SHISA9: variants seen among roughly 807,000 people sequenced by gnomAD.
SHISA9 encodes protein shisa-9.
A neutral mutation model predicts 38.0 loss-of-function variants in SHISA9; 13 were observed. That is an observed-to-expected ratio of 0.34 (90% confidence interval 0.22 to 0.54). The LOEUF is 0.54. SHISA9 is among the 20% of genes least tolerant of loss of function. The pLI is 0.91. For synonymous variants in SHISA9, 275 were observed against 242.0 expected (o/e 1.14, Z -1.27); for missense variants, 538 against 575.8 (o/e 0.93, Z 0.67).
At chr16:13,053,789 G>C (rs576090705) in intron 2 of SHISA9, among the ~76,000 whole-genome samples, 3 of 152,276 alleles carry the variant, frequency 2.0e-5, no homozygotes, top group Admixed American at 2.0e-4. Flanking sequence ...CTCAGGTCCA[G>C]TGAATTCTTC....
intron 2 of SHISA9, among the ~76,000 whole-genome samples, chr16:13,141,512 C>G (rs952177274): frequency 6.6e-6 from 1 of 151,902 alleles, no homozygotes; most frequent in Non-Finnish European, 1.5e-5. Flanking sequence ...TGGTGAAACC[C>G]CATCTCTACT....
At chr16:13,115,196 G>A (rs2074019817) in intron 2 of SHISA9, among the ~76,000 whole-genome samples, 1 of 152,084 alleles carries the variant, frequency 6.6e-6, no homozygotes, top group Non-Finnish European at 1.5e-5. Context: ...CCATATTGCT[G>A]AGACCAGCTT....
chr16:13,164,632 T>A (rs1322733186), intron 2 of SHISA9, among the ~76,000 whole-genome samples: 1 of 152,174 alleles, frequency 6.6e-6, no homozygotes, highest in Non-Finnish European at 1.5e-5. Context: ...ATTTATGCTA[T>A]AAATTAGCCT....
At chr16:13,251,168 G>A in the SHISA9 span, among the ~76,000 whole-genome samples, 7 of 152,214 alleles carry the variant, frequency 4.6e-5, no homozygotes, top group Admixed American at 2.0e-4. Context: ...CAAAGATGGC[G>A]GCCTTTGTGT....
At chr16:13,428,471 T>C in the SHISA9 span, among the ~76,000 whole-genome samples, 1 of 152,156 alleles carries the variant, frequency 6.6e-6, no homozygotes, top group Non-Finnish European at 1.5e-5. Flanking sequence ...AAACTCTAAG[T>C]GGAGAGAGAA....
intron 2 of SHISA9, among the ~76,000 whole-genome samples, chr16:13,044,610 G>A (rs1457655678): frequency 6.6e-6 from 1 of 152,188 alleles, no homozygotes; most frequent in Non-Finnish European, 1.5e-5. Context: ...GCACCGTGGG[G>A]CTCAGACCTG....
At chr16:13,027,227 G>A (rs1378466463) in intron 2 of SHISA9, among the ~76,000 whole-genome samples, 1 of 152,168 alleles carries the variant, frequency 6.6e-6, no homozygotes, top group African/African-American at 2.4e-5. Flanking sequence ...TTATCTGGAG[G>A]ATGGACTCCA....
the SHISA9 span, among the ~76,000 whole-genome samples, chr16:13,424,137 G>A: frequency 3.3e-5 from 5 of 152,316 alleles, no homozygotes; most frequent in African/African-American, 1.2e-4. Context: ...GTACAGGAAG[G>A]GCAGGAATTG....
chr16:13,069,161 A>G (rs1358198064), intron 2 of SHISA9, among the ~76,000 whole-genome samples: 2 of 150,430 alleles, frequency 1.3e-5, no homozygotes, highest in African/African-American at 5.0e-5. Flanking sequence ...GTATGTGTAT[A>G]TATGTGTGTA....
chr16:12,997,824 G>A (rs2072477281), intron 2 of SHISA9, among the ~76,000 whole-genome samples: 1 of 152,136 alleles, frequency 6.6e-6, no homozygotes, highest in African/African-American at 2.4e-5. Context: ...TCACCTCTGT[G>A]TACACACATT....
At chr16:13,187,480 G>T (rs6498388) in intron 2 of SHISA9, among the ~76,000 whole-genome samples, 2 of 151,526 alleles carry the variant, frequency 1.3e-5, no homozygotes, top group Non-Finnish European at 2.9e-5. Flanking sequence ...AACTACAGAC[G>T]TGCACCACCA....
At chr16:13,090,257 G>A (rs546939979) in intron 2 of SHISA9, among the ~76,000 whole-genome samples, 1 of 152,334 alleles carries the variant, frequency 6.6e-6, no homozygotes, top group East Asian at 1.9e-4. Flanking sequence ...GCAATGTGAT[G>A]CTGAGAAGAA....
intron 1 of SHISA9, chr16:12,902,860 G>GTGTA (rs2071038796): frequency 1.8e-6 from 1 of 550,370 alleles, no homozygotes; most frequent in Non-Finnish European, 3.2e-6. Context: ...GTGTGTGTGT[G>GTGTA]TGTGTGTGAC....
In SHISA9 at chr16:13,183,125, C is replaced by T. The variant is rs76233858; in HGVS notation, c.692-20269C>T. Among the ~76,000 whole-genome samples the T allele has an allele frequency of 4.0e-3, 607 of 152,308 alleles. 7 individuals are homozygous for T. The highest frequency in any genetic ancestry group is 0.014 in the African/African-American group (571 of 41,580). On this transcript the variant is annotated intron_variant, in intron 2 of 4. Transcript: ENST00000558583. ...TTTGATGACCTAGACACAAAATTCA[C>T]AGGGCATAATTTCTGCCCTACTCCA...
At chr16:13,535,073 C>T in the SHISA9 span, among the ~76,000 whole-genome samples, 3 of 152,002 alleles carry the variant, frequency 2.0e-5, no homozygotes, top group African/African-American at 7.3e-5. Flanking sequence ...GGTAAAACCC[C>T]CCTCTCTACT....
intron 2 of SHISA9, among the ~76,000 whole-genome samples, chr16:13,103,175 G>A (rs2073895331): frequency 6.6e-6 from 1 of 152,120 alleles, no homozygotes; most frequent in African/African-American, 2.4e-5. Context: ...ATTGAATTTA[G>A]TGTGTCAGAC....
intron 2 of SHISA9, among the ~76,000 whole-genome samples, chr16:13,077,162 C>G (rs1171953045): frequency 6.6e-6 from 1 of 152,174 alleles, no homozygotes; most frequent in African/African-American, 2.4e-5. Flanking sequence ...GACTGAACAG[C>G]GTCTGATCTC....
Position 13,236,218 on chromosome 16 carries a change from G to A in SHISA9, c.*809G>A, listed in dbSNP as rs2051382564. The A allele has an allele frequency of 6.6e-6, 1 of 152,030 alleles. No homozygotes were observed. The highest frequency in any genetic ancestry group is 1.5e-5 in the Non-Finnish European group (1 of 68,030). The allele number at this position is 152,030 out of a possible 1,614,324, so 9.4% of individuals were successfully genotyped here. On this transcript the variant is annotated 3_prime_UTR_variant, in exon 5 of 5. Coordinates refer to ENST00000558583, the MANE Select transcript of SHISA9 (RefSeq NM_001145204.3). ...GGAGGGATGGGCTTTTACGGAGAGG[G>A]TCCGGAGAGTATCAAATAACTTTTT...
downstream of SHISA9, among the ~76,000 whole-genome samples, chr16:13,241,230 G>C (rs2051432812): frequency 6.6e-6 from 1 of 152,178 alleles, no homozygotes; most frequent in African/African-American, 2.4e-5. Flanking sequence ...AGAATCCCTA[G>C]GCAGCCGGGC....
Sources: gnomAD v4.1 joint callset for allele counts (sites outside exome capture counted in the v4.1 genomes callset) on GRCh38, gnomAD v4.1.1 for gene constraint, MANE v1.5 for transcripts, NCBI Gene and HGNC (gene_info 2026-07-23, HGNC 2026-07-21) for gene names.